TENM3: variants seen among roughly 807,000 people sequenced by gnomAD.
The protein encoded by TENM3 is teneurin-3.
A neutral mutation model predicts 255.1 loss-of-function variants in TENM3; 63 were observed. That is an observed-to-expected ratio of 0.25 (90% CI 0.20 to 0.30). The LOEUF is 0.30. Ranked by LOEUF, TENM3 falls within the 10% of genes least tolerant of loss-of-function variation. The pLI is 1.00. For missense variants in TENM3, 2,929 were observed against 3,461.1 expected (o/e 0.85, Z 3.86); for synonymous variants, 1,306 against 1,322.3 (o/e 0.99, Z 0.27).
intron 22 of TENM3, among the ~76,000 whole-genome samples, chr4:182,766,941 C>G (rs1763764845): frequency 6.6e-6 from 1 of 152,120 alleles, no homozygotes; most frequent in Non-Finnish European, 1.5e-5. Flanking sequence ...GCACCAAGAC[C>G]AAACTCACGT....
the TENM3 span, among the ~76,000 whole-genome samples, chr4:181,964,067 A>G: frequency 7.2e-6 from 1 of 138,940 alleles, no homozygotes; most frequent in Non-Finnish European, 1.6e-5. Flanking sequence ...TGACCTTCCG[A>G]TTTTTTTTTT....
chr4:182,525,524 T>G (rs370590226), intron 3 of TENM3, among the ~76,000 whole-genome samples: 16 of 152,360 alleles, frequency 1.1e-4, no homozygotes, highest in African/African-American at 3.6e-4. Context: ...TCCTTTATAC[T>G]TTTCAAAAAA....
chr4:182,166,211 A>G (rs1354752475), intron 1 of TENM3, among the ~76,000 whole-genome samples: 1 of 152,254 alleles, frequency 6.6e-6, no homozygotes, highest in East Asian at 1.9e-4. Flanking sequence ...GTCAAAGAGC[A>G]TGCTTTAAAA....
chr4:182,487,943 G>A (rs1734917451), intron 3 of TENM3, among the ~76,000 whole-genome samples: 1 of 152,168 alleles, frequency 6.6e-6, no homozygotes, highest in Non-Finnish European at 1.5e-5. Flanking sequence ...AATATGGTGG[G>A]TTAAAATAGG....
chr4:181,762,177 T>C, the TENM3 span, among the ~76,000 whole-genome samples: 2 of 152,078 alleles, frequency 1.3e-5, no homozygotes, highest in Non-Finnish European at 2.9e-5. Context: ...TCTGAAGTGA[T>C]GGGAAAGGTG....
chr4:182,254,114 T>G lies in TENM3; in HGVS notation c.-76+10638T>G, dbSNP rs151271248. ...TTTCTTGATGCCAAATCGTGTTCTG[T>G]CTGGTGGAGCGTATTTTCTCAAGGG... On this transcript the variant is annotated intron_variant, in intron 1 of 27. Coordinates refer to ENST00000511685, the MANE Select transcript of TENM3 (RefSeq NM_001080477.4). 5.5e-3 allele frequency among the ~76,000 whole-genome samples: 841 copies of G among 152,308 alleles called. 10 individuals are homozygous for G. The highest frequency in any genetic ancestry group is 0.02 in the African/African-American group (812 of 41,566).
chr4:182,441,199 C>CA (rs1316798662), intron 3 of TENM3, among the ~76,000 whole-genome samples: 3 of 151,830 alleles, frequency 2.0e-5, no homozygotes, highest in African/African-American at 7.3e-5. Context: ...TTTTTATAAA[C>CA]AAAAAATGTA....
intron 1 of TENM3, among the ~76,000 whole-genome samples, chr4:182,159,584 G>A (rs1428339609): frequency 3.3e-5 from 5 of 152,052 alleles, no homozygotes; most frequent in East Asian, 1.9e-4. Context: ...CAGCTCCTGC[G>A]CTGTATTTGG....
intron 1 of TENM3, among the ~76,000 whole-genome samples, chr4:182,311,194 C>A (rs1015954230): frequency 6.6e-6 from 1 of 152,222 alleles, no homozygotes; most frequent in Admixed American, 6.5e-5. Context: ...CCTGAAGAAG[C>A]AGCTTGAAAA....
At chr4:182,559,363 A>T (rs1166386566) in intron 3 of TENM3, among the ~76,000 whole-genome samples, 2 of 152,230 alleles carry the variant, frequency 1.3e-5, no homozygotes, top group African/African-American at 4.8e-5. Flanking sequence ...CGTTGTTTCC[A>T]TAGAAATGAG....
At chr4:182,240,657 C>T (rs1053778375), upstream of TENM3, among the ~76,000 whole-genome samples, 4 of 152,150 alleles carry the variant, frequency 2.6e-5, no homozygotes, top group African/African-American at 4.8e-5. Flanking sequence ...CTGCGAGTCC[C>T]GGCCCTGCAG....
chr4:182,389,965 G>A (rs981341677), intron 3 of TENM3, among the ~76,000 whole-genome samples: 1 of 152,162 alleles, frequency 6.6e-6, no homozygotes, highest in Middle Eastern at 3.2e-3. Flanking sequence ...GATTACAGGC[G>A]TGAGCCACCG....
chr4:181,922,722 G>A, the TENM3 span, among the ~76,000 whole-genome samples: 1 of 150,504 alleles, frequency 6.6e-6, no homozygotes, highest in African/African-American at 2.4e-5. Context: ...GGTTTTTTGT[G>A]TCTCTATTTC....
chr4:181,707,590 G>C, the TENM3 span, among the ~76,000 whole-genome samples: 1 of 152,164 alleles, frequency 6.6e-6, no homozygotes, highest in Non-Finnish European at 1.5e-5. Flanking sequence ...GGCCATACTT[G>C]TATGAATTTT....
At chr4:182,755,286 T>G in intron 22 of TENM3, 27 bp downstream of exon 22, 1 of 1,507,670 alleles carries the variant, frequency 6.6e-7, no homozygotes, top group Non-Finnish European at 8.9e-7. Context: ...TCTACTCTGA[T>G]TATAAAATAC....
At chr4:182,161,784 CAAATAT>C (rs1751282620) in intron 1 of TENM3, among the ~76,000 whole-genome samples, 2 of 13,098 alleles carry the variant, frequency 1.5e-4, no homozygotes, top group African/African-American at 2.1e-4. Context: ...TATATATACA[CAAATAT>C]ATGTATATAT....
the TENM3 span, among the ~76,000 whole-genome samples, chr4:181,795,270 G>A: frequency 2.6e-5 from 4 of 152,066 alleles, no homozygotes; most frequent in East Asian, 7.8e-4. Flanking sequence ...TCAAGGTGCT[G>A]GCTGACATGG....
chr4:182,747,908 A>G (rs944956815), intron 19 of TENM3, among the ~76,000 whole-genome samples: 9 of 152,198 alleles, frequency 5.9e-5, no homozygotes, highest in African/African-American at 2.2e-4. Context: ...TTACTTTTAT[A>G]TGTGAATATA....
intron 1 of TENM3, among the ~76,000 whole-genome samples, chr4:182,246,808 G>C (rs1301281568): frequency 6.6e-6 from 1 of 152,198 alleles, no homozygotes; most frequent in Non-Finnish European, 1.5e-5. Flanking sequence ...GTGCAGGGAT[G>C]AACTCACTTT....
Sources: gnomAD v4.1 joint callset for allele counts (sites outside exome capture counted in the v4.1 genomes callset) on GRCh38, gnomAD v4.1.1 for gene constraint, MANE v1.5 for transcripts, NCBI Gene and HGNC (gene_info 2026-07-23, HGNC 2026-07-21) for gene names.